Variants in SEMA3C observed in about 807,000 individuals in gnomAD.
The protein encoded by SEMA3C is semaphorin-3C.
A neutral mutation model predicts 89.4 loss-of-function variants in SEMA3C; 47 were observed. The observed-to-expected ratio is 0.53, with a 90% CI of 0.42 to 0.67. The LOEUF (loss-of-function observed/expected upper bound fraction) is 0.67. SEMA3C is among the 30% of genes least tolerant of loss of function. The probability of loss-of-function intolerance (pLI) is 0.00; values close to 1 mark genes in which losing one functional copy is unlikely to be tolerated. For missense variants in SEMA3C, 839 were observed against 929.1 expected, an observed-to-expected ratio of 0.90 and a Z score of 1.26; for synonymous variants, 310 against 320.2, an observed-to-expected ratio of 0.97 and a Z score of 0.34.
intron 12 of SEMA3C, among the ~76,000 whole-genome samples, chr7:80,778,272 ATTTATAT>A (rs1788597430): frequency 6.6e-6 from 1 of 152,168 alleles, no homozygotes; most frequent in Non-Finnish European, 1.5e-5. Context: ...AATTGTTTCT[ATTTATAT>A]TTTAATTTCA....
intron 2 of SEMA3C, among the ~76,000 whole-genome samples, chr7:80,904,812 T>C (rs1260313017): frequency 3.9e-5 from 6 of 152,154 alleles, no homozygotes; most frequent in Admixed American, 3.9e-4. Flanking sequence ...ACTGAATTGG[T>C]CTGGGGTGTG....
intron 8 of SEMA3C, among the ~76,000 whole-genome samples, chr7:80,803,792 C>T (rs1257641051): frequency 6.6e-6 from 1 of 151,932 alleles, no homozygotes; most frequent in East Asian, 1.9e-4. Context: ...AATGAATATG[C>T]AAAAATTTGT....
chr7:80,833,306 G>A (rs942870502), intron 2 of SEMA3C, among the ~76,000 whole-genome samples: 16 of 151,910 alleles, frequency 1.1e-4, no homozygotes, highest in African/African-American at 3.6e-4. Flanking sequence ...GGTGGCAGAC[G>A]CATGTAATCC....
chr7:80,919,033 CA>C lies in SEMA3C; in HGVS notation c.-245del. The C allele has an allele frequency of 1.0e-6, 1 of 985,344 alleles. No homozygotes were observed. The highest frequency in any genetic ancestry group is 1.2e-6 in the Non-Finnish European group (1 of 829,884). The allele number at this position is 985,344 out of a possible 1,614,324, so 61.0% of individuals were successfully genotyped here. ...ACCCGGAGCTCTTCTCCGCGTCGCT[CA>C]ATCAAGCACCTCGGAGTGAATGGAA... is the stretch of plus-strand genomic sequence containing the variant. On this transcript the variant is annotated 5_prime_UTR_variant, in exon 1 of 18. The change creates a new upstream start codon in the 5' untranslated region. Transcript: ENST00000265361.
At chr7:80,917,937 T>C (rs1792315879) in intron 1 of SEMA3C, among the ~76,000 whole-genome samples, 1 of 152,224 alleles carries the variant, frequency 6.6e-6, no homozygotes, top group Non-Finnish European at 1.5e-5. Context: ...AAATGGAATA[T>C]GCAATTTTAA....
At chr7:80,770,443 G>C (rs1318153039) in intron 12 of SEMA3C, among the ~76,000 whole-genome samples, 2 of 152,214 alleles carry the variant, frequency 1.3e-5, no homozygotes, top group African/African-American at 4.8e-5. Flanking sequence ...CCTTGGGGAA[G>C]GCACCATGTC....
At chr7:80,905,856 T>A (rs1293376302) in intron 2 of SEMA3C, 2 of 1,289,632 alleles carry the variant, frequency 1.6e-6, no homozygotes, top group African/African-American at 3.0e-5. Flanking sequence ...GAGGACCAAA[T>A]TCACGCCACA....
chr7:80,886,785 C>T (rs1480929941), intron 2 of SEMA3C, among the ~76,000 whole-genome samples: 2 of 152,112 alleles, frequency 1.3e-5, no homozygotes, highest in African/African-American at 4.8e-5. Context: ...ATTAAACCAA[C>T]CTTGTGCTAA....
At chr7:80,921,236 C>T (rs1258899582), upstream of SEMA3C, among the ~76,000 whole-genome samples, 2 of 152,144 alleles carry the variant, frequency 1.3e-5, no homozygotes, top group Non-Finnish European at 2.9e-5. Context: ...CAATATTGCT[C>T]AAATAAACCT....
chr7:80,810,464 ACTCT>A (rs1320933254), intron 6 of SEMA3C, 143 bp downstream of exon 6: 5 of 543,224 alleles, frequency 9.2e-6, no homozygotes, highest in Non-Finnish European at 1.3e-5. Context: ...GAGAAACTGA[ACTCT>A]CTATTTCTCA....
intron 16 of SEMA3C, among the ~76,000 whole-genome samples, chr7:80,751,059 C>T (rs1023468859): frequency 4.6e-5 from 7 of 152,086 alleles, no homozygotes; most frequent in East Asian, 1.9e-4. Flanking sequence ...TTGAAGTATG[C>T]GTGTTCCCAG....
chr7:80,794,383 G>T (rs1583883806), intron 11 of SEMA3C, among the ~76,000 whole-genome samples: 1 of 152,060 alleles, frequency 6.6e-6, no homozygotes, highest in Admixed American at 6.5e-5. Context: ...GTGAGACGAT[G>T]TAATTAATTT....
chr7:80,912,858 C>T (rs1427376966), intron 2 of SEMA3C, among the ~76,000 whole-genome samples: 1 of 152,154 alleles, frequency 6.6e-6, no homozygotes, highest in Admixed American at 6.5e-5. Flanking sequence ...CCTTGTAATG[C>T]TAATGCTACC....
chr7:80,811,888 G>A (rs1187716070), intron 5 of SEMA3C, among the ~76,000 whole-genome samples: 1 of 152,064 alleles, frequency 6.6e-6, no homozygotes, highest in African/African-American at 2.4e-5. Flanking sequence ...TTATATAGTC[G>A]CAATCAACAG....
At chr7:80,919,325 T>G (rs568875277), upstream of SEMA3C, 17 of 985,134 alleles carry the variant, frequency 1.7e-5, no homozygotes, top group East Asian at 1.1e-4. Context: ...GAGCCCTAGC[T>G]CCGCAACCCT....
intron 2 of SEMA3C, among the ~76,000 whole-genome samples, chr7:80,859,899 G>C (rs1428148529): frequency 6.6e-6 from 1 of 151,780 alleles, no homozygotes; most frequent in Admixed American, 6.6e-5. Flanking sequence ...GAGTCCCTTT[G>C]TAAGTCTGCT....
At chr7:80,780,150 T>C (rs1425241175) in intron 12 of SEMA3C, among the ~76,000 whole-genome samples, 2 of 152,236 alleles carry the variant, frequency 1.3e-5, no homozygotes, top group Non-Finnish European at 2.9e-5. Context: ...TAACTTGTTA[T>C]ACAGCAATAG....
At chr7:80,892,503 G>T (rs1240825390) in intron 2 of SEMA3C, among the ~76,000 whole-genome samples, 2 of 151,754 alleles carry the variant, frequency 1.3e-5, no homozygotes, top group African/African-American at 2.4e-5. Flanking sequence ...CCTAAACATT[G>T]TAAGAATATG....
chr7:80,833,271 A>T (rs913248191), intron 2 of SEMA3C, among the ~76,000 whole-genome samples: 1 of 151,974 alleles, frequency 6.6e-6, no homozygotes, highest in Non-Finnish European at 1.5e-5. Flanking sequence ...CATCTCTACT[A>T]AAAATACAAA....
Sources: gnomAD v4.1 joint callset for allele counts (sites outside exome capture counted in the v4.1 genomes callset) on GRCh38, gnomAD v4.1.1 for gene constraint, MANE v1.5 for transcripts, NCBI Gene and HGNC (gene_info 2026-07-23, HGNC 2026-07-21) for gene names.